TNS3: variants seen among roughly 807,000 people sequenced by gnomAD.
The protein encoded by TNS3 is tensin 3.
In TNS3, 45 loss-of-function variants were observed where a neutral mutation model predicts 140.9. The ratio of observed to expected loss-of-function variants is 0.32; its 90% confidence interval spans 0.25 to 0.41. The LOEUF (loss-of-function observed/expected upper bound fraction) is 0.41. TNS3 is among the 10% of genes least tolerant of loss of function. TNS3 has a pLI of 1.00. For synonymous variants in TNS3, 815 were observed against 788.4 expected (o/e 1.03, Z -0.56); for missense variants, 1,716 against 1,906.7 (o/e 0.90, Z 1.86).
chr7:47,307,193 G>C (rs1330125129), intron 20 of TNS3, among the ~76,000 whole-genome samples: 2 of 152,072 alleles, frequency 1.3e-5, no homozygotes, highest in African/African-American at 4.8e-5. Flanking sequence ...TGCTCATCTG[G>C]TTTATGTCAC....
At chr7:47,548,817 T>G (rs1204124455) in intron 1 of TNS3, among the ~76,000 whole-genome samples, 1 of 152,140 alleles carries the variant, frequency 6.6e-6, no homozygotes. Context: ...CCACCTTCAC[T>G]GGGCCATCCC....
intron 13 of TNS3, among the ~76,000 whole-genome samples, chr7:47,408,611 G>A (rs757806926): frequency 3.3e-5 from 5 of 152,182 alleles, no homozygotes; most frequent in Non-Finnish European, 7.3e-5. Context: ...GCGCTGTCCT[G>A]GGAGACTTAT....
At chr7:47,492,611 C>T (rs2151832453) in intron 3 of TNS3, among the ~76,000 whole-genome samples, 1 of 152,360 alleles carries the variant, frequency 6.6e-6, no homozygotes, top group South Asian at 2.1e-4. Flanking sequence ...ATAAGATGTG[C>T]TTTTATTTCT....
At chr7:47,386,383 G>C (rs1392566765) in intron 16 of TNS3, among the ~76,000 whole-genome samples, 1 of 152,234 alleles carries the variant, frequency 6.6e-6, no homozygotes. Flanking sequence ...GGCTTTCCCT[G>C]CACTTCGCAT....
chr7:47,456,625 A>C (rs1430298500), intron 4 of TNS3, among the ~76,000 whole-genome samples: 1 of 152,184 alleles, frequency 6.6e-6, no homozygotes, highest in African/African-American at 2.4e-5. Context: ...GAAGGAAGAC[A>C]AGGCCAACAG....
chr7:47,562,867 T>C (rs773033566), intron 1 of TNS3, among the ~76,000 whole-genome samples: 2 of 152,198 alleles, frequency 1.3e-5, no homozygotes, highest in Non-Finnish European at 2.9e-5. Context: ...TCTCTGAAGA[T>C]GACATGGGTA....
chr7:47,549,578 C>G (rs1036459750), intron 1 of TNS3, among the ~76,000 whole-genome samples: 2 of 152,152 alleles, frequency 1.3e-5, no homozygotes, highest in African/African-American at 2.4e-5. Flanking sequence ...ACCTCCTCAG[C>G]CAGGTGCTGC....
intron 10 of TNS3, among the ~76,000 whole-genome samples, chr7:47,421,196 G>A (rs74801584): frequency 0.071 from 10,782 of 152,264 alleles, 455 homozygotes; most frequent in South Asian, 0.17. Flanking sequence ...GAAAAGAAAA[G>A]AGATGTCAGA....
intron 1 of TNS3, among the ~76,000 whole-genome samples, chr7:47,552,240 A>G (rs1800083644): frequency 1.3e-5 from 2 of 152,218 alleles, no homozygotes; most frequent in Admixed American, 6.5e-5. Flanking sequence ...CAAGCCAGGA[A>G]GCCGTCTAGA....
intron 9 of TNS3, among the ~76,000 whole-genome samples, chr7:47,426,105 AC>A (rs1794634141): frequency 6.6e-6 from 1 of 151,992 alleles, no homozygotes; most frequent in Non-Finnish European, 1.5e-5. Flanking sequence ...ACATGGTGAA[AC>A]CACGTCTCTA....
At chr7:47,569,798 G>A (rs548444733) in intron 1 of TNS3, among the ~76,000 whole-genome samples, 2 of 151,786 alleles carry the variant, frequency 1.3e-5, no homozygotes. Flanking sequence ...AGGATGCAGT[G>A]AGCCGAGATG....
chr7:47,542,010 C>T (rs146064581), intron 1 of TNS3, among the ~76,000 whole-genome samples: 3 of 150,420 alleles, frequency 2.0e-5, no homozygotes, highest in Non-Finnish European at 4.4e-5. Flanking sequence ...GTCCTGGGAG[C>T]AGGTTATTAG....
At chr7:47,459,166 A>G (rs553299365) in intron 4 of TNS3, among the ~76,000 whole-genome samples, 1 of 152,322 alleles carries the variant, frequency 6.6e-6, no homozygotes, top group East Asian at 1.9e-4. Context: ...CACTCTTATG[A>G]ATGATGCTAT....
intron 20 of TNS3, among the ~76,000 whole-genome samples, chr7:47,311,827 C>CA (rs1306774808): frequency 6.6e-6 from 1 of 152,008 alleles, no homozygotes; most frequent in Admixed American, 6.6e-5. Flanking sequence ...AACAAACAAA[C>CA]AAAAAACCTA....
At chr7:47,300,323 A>G (rs1176112099) in intron 23 of TNS3, among the ~76,000 whole-genome samples, 1 of 152,136 alleles carries the variant, frequency 6.6e-6, no homozygotes, top group East Asian at 1.9e-4. Context: ...AGCTGGAAAA[A>G]CCAACACTCG....
intron 18 of TNS3, 118 bp downstream of exon 18, chr7:47,346,069 A>G: frequency 2.3e-6 from 3 of 1,325,598 alleles, no homozygotes; most frequent in Non-Finnish European, 3.1e-6. Flanking sequence ...GTGGGTGCGG[A>G]GGATAATGTG....
chr7:47,488,093 T>C (rs955706649), intron 3 of TNS3, among the ~76,000 whole-genome samples: 2 of 152,312 alleles, frequency 1.3e-5, no homozygotes, highest in East Asian at 1.9e-4. Flanking sequence ...CCACTTCTAT[T>C]ATACCACAGC....
intron 17 of TNS3, 34 bp downstream of exon 17, chr7:47,368,331 C>G: frequency 6.9e-7 from 1 of 1,450,728 alleles, no homozygotes; most frequent in East Asian, 2.5e-5. Flanking sequence ...TGGAGCACCT[C>G]CCGTGGAGCA....
At chr7:47,499,311 G>A (rs944570314) in intron 3 of TNS3, among the ~76,000 whole-genome samples, 1 of 152,186 alleles carries the variant, frequency 6.6e-6, no homozygotes, top group Non-Finnish European at 1.5e-5. Flanking sequence ...ATTAAAATGA[G>A]TCAAAAATGA....
Sources: gnomAD v4.1 joint callset for allele counts (sites outside exome capture counted in the v4.1 genomes callset) on GRCh38, gnomAD v4.1.1 for gene constraint, MANE v1.5 for transcripts, NCBI Gene and HGNC (gene_info 2026-07-23, HGNC 2026-07-21) for gene names.